The following CCDC40 variants were observed in gnomAD, a reference collection of about 807,000 sequenced individuals.
The protein encoded by CCDC40 is coiled-coil domain-containing protein 40.
Under a neutral mutation model 124.5 loss-of-function variants are expected in CCDC40, and 104 were observed. The observed-to-expected ratio is 0.84, with a 90% CI of 0.71 to 0.98. The LOEUF (loss-of-function observed/expected upper bound fraction) is 0.98. CCDC40 is among the 50% of genes least tolerant of loss of function. The pLI is 0.00. For missense variants in CCDC40, 1,463 were observed against 1,503.9 expected, an observed-to-expected ratio of 0.97 and a Z score of 0.45; for synonymous variants, 580 against 602.9, an observed-to-expected ratio of 0.96 and a Z score of 0.56.
intron 2 of CCDC40, among the ~76,000 whole-genome samples, chr17:80,038,691 G>A (rs753629521): frequency 6.6e-6 from 1 of 152,008 alleles, no homozygotes; most frequent in Non-Finnish European, 1.5e-5. Context: ...CAGGCATGGT[G>A]GTTCACGCCT....
chr17:80,054,744 C>A (rs1161236761), intron 7 of CCDC40, among the ~76,000 whole-genome samples: 1 of 152,080 alleles, frequency 6.6e-6, no homozygotes, highest in Non-Finnish European at 1.5e-5. Flanking sequence ...GAGGCCGAGG[C>A]GGGCAGATTA....
rs759044505 is a variant in CCDC40 at position 80,086,251 on chromosome 17, T to G, written c.2449+35T>G. 66 of 1,538,914 alleles carry G rather than the reference T, an allele frequency of 4.3e-5. No homozygotes were observed. Among genetic ancestry groups the G allele is most frequent in the Non-Finnish European group, 8.8e-6 (10 of 1,133,948 alleles). ...GCCGTGCCCGGCCCTGCAGTGATGC[T>G]GAGACGAGCTCTGGGACGTGGGCAC... On this transcript the variant is annotated intron_variant, in intron 14 of 19. Transcript: ENST00000397545. The surrounding 1 kb of genome is among the most constrained non-coding windows in gnomAD (Gnocchi z 5.5).
intron 16 of CCDC40, 95 bp downstream of exon 16, chr17:80,088,197 A>G: frequency 1.2e-6 from 1 of 805,634 alleles, no homozygotes; most frequent in Non-Finnish European, 2.2e-6. Flanking sequence ...CAGGTGTGGC[A>G]GCTCACACCC....
In CCDC40 at chr17:80,086,234, C is replaced by T. The variant is rs368666915; in HGVS notation, c.2449+18C>T. ...AGTAGAAAGTAAGAGCCGCCGTGCC[C>T]GGCCCTGCAGTGATGCTGAGACGAG... On this transcript the variant is annotated intron_variant, in intron 14 of 19. Coordinates refer to ENST00000397545, the MANE Select transcript of CCDC40 (RefSeq NM_017950.4). The surrounding 1 kb of genome is among the most constrained non-coding windows in gnomAD (Gnocchi z 5.5). 27 of 1,568,794 alleles carry T rather than the reference C, an allele frequency of 1.7e-5. No homozygotes were observed. The South Asian group carries it at 2.0e-4, about 11-fold the overall frequency.
chr17:80,056,539 A>G (rs2037753731), intron 7 of CCDC40, among the ~76,000 whole-genome samples: 1 of 152,134 alleles, frequency 6.6e-6, no homozygotes, highest in South Asian at 2.1e-4. Context: ...AGGTGAACCC[A>G]GGAGGTTGAA....
Position 80,058,448 on chromosome 17 carries a change from C to G in CCDC40, c.1160-46C>G. The G allele has an allele frequency of 6.3e-7, 1 of 1,580,516 alleles. No individual in the cohort carries two copies. Among genetic ancestry groups the G allele is most frequent in the Non-Finnish European group, 8.7e-7 (1 of 1,152,718 alleles). ...TCTGCATGGGGGACGCTGGGACAGC[C>G]TCCCCACTCACTCTCTCTCTCTTTC... On this transcript the variant is annotated intron_variant, in intron 7 of 19. Coordinates refer to ENST00000397545, the MANE Select transcript of CCDC40 (RefSeq NM_017950.4). The surrounding 1 kb of genome is among the most constrained non-coding windows in gnomAD (Gnocchi z 4.2).
chr17:80,084,720 G>A lies in CCDC40; in HGVS notation c.1990-23G>A, dbSNP rs376480826. ...GCCTTGGGTGGGGGCAATATTCACA[G>A]GTATTTCTTTTCATCAATTCAGATG... On this transcript the variant is annotated intron_variant, in intron 12 of 19. Transcript: ENST00000397545. The A allele has an allele frequency of 6.2e-6, 10 of 1,613,406 alleles. No homozygotes were observed. In the African/African-American group the frequency reaches 1.3e-4, roughly 22 times the overall value.
At chr17:80,085,925 C>T (rs1032780925) in intron 13 of CCDC40, 78 bp from the exon 14 acceptor site, 3 of 1,356,750 alleles carry the variant, frequency 2.2e-6, no homozygotes, top group Middle Eastern at 2.4e-4. Flanking sequence ...CCGCCTCAGC[C>T]TCCCAAAGTG....
chr17:80,074,986 G>A (rs1025887151), intron 10 of CCDC40, among the ~76,000 whole-genome samples: 1 of 151,960 alleles, frequency 6.6e-6, no homozygotes, highest in Non-Finnish European at 1.5e-5. Context: ...GCTATGGTAC[G>A]ATCTTGGCTC....
intron 18 of CCDC40, 134 bp downstream of exon 18, chr17:80,095,585 CCTG>C (rs2143776916): frequency 1.2e-6 from 1 of 806,764 alleles, no homozygotes; most frequent in Non-Finnish European, 2.0e-6. Flanking sequence ...GCACTGCTAA[CCTG>C]CTGCTGGGTG....
intron 4 of CCDC40, chr17:80,048,334 C>T (rs1214494869): frequency 9.1e-6 from 5 of 552,210 alleles, no homozygotes; most frequent in Non-Finnish European, 1.6e-5. Flanking sequence ...GTAAAGAAAG[C>T]CTCTCAAAAA....
chr17:80,090,567 A>T, intron 17 of CCDC40: 1 of 1,502,720 alleles, frequency 6.7e-7, no homozygotes, highest in Non-Finnish European at 8.9e-7. Flanking sequence ...TGCCGGTTGT[A>T]ACCCTCAAAC....
At chr17:80,049,309 G>A (rs1398077446) in intron 5 of CCDC40, among the ~76,000 whole-genome samples, 1 of 151,622 alleles carries the variant, frequency 6.6e-6, no homozygotes. Flanking sequence ...GGAGGCTGAG[G>A]CAGGAGAATC....
intron 3 of CCDC40, among the ~76,000 whole-genome samples, chr17:80,046,500 G>A (rs2037423085): frequency 6.6e-6 from 1 of 151,486 alleles, no homozygotes; most frequent in East Asian, 1.9e-4. Context: ...AGCACTGCAC[G>A]CCAGTCTAGG....
At chr17:80,056,008 A>T (rs375286080) in intron 7 of CCDC40, among the ~76,000 whole-genome samples, 5,876 of 12,036 alleles carry the variant, frequency 0.49, 1,253 homozygotes, top group Non-Finnish European at 0.59. Context: ...ATATATATAT[A>T]TATATATATT....
intron 12 of CCDC40, among the ~76,000 whole-genome samples, chr17:80,083,220 G>C (rs1306809440): frequency 2.6e-5 from 4 of 152,130 alleles, no homozygotes; most frequent in East Asian, 1.9e-4. Flanking sequence ...CAGTTGGGGA[G>C]GGGGGAGGCA....
chr17:80,046,696 A>G (rs1225223470), intron 3 of CCDC40, among the ~76,000 whole-genome samples: 1 of 152,122 alleles, frequency 6.6e-6, no homozygotes, highest in Non-Finnish European at 1.5e-5. Context: ...CACCCTCTTC[A>G]TGAAAGCATG....
intron 7 of CCDC40, among the ~76,000 whole-genome samples, chr17:80,057,172 G>A (rs1046906645): frequency 6.6e-6 from 1 of 151,958 alleles, no homozygotes; most frequent in South Asian, 2.1e-4. Flanking sequence ...TTGTCACCCA[G>A]GCTGTAGTGC....
chr17:80,087,269 G>A lies in CCDC40; in HGVS notation c.2450-338G>A, dbSNP rs2038606221. ...GTGTCTGAGCATCAACCAGGTCCCG[G>A]TGCTCCACAGATTTGCAAGTGTCTG... On this transcript the variant is annotated intron_variant, in intron 14 of 19. Coordinates refer to ENST00000397545, the MANE Select transcript of CCDC40 (RefSeq NM_017950.4). This position sits in a 1 kb window ranked among gnomAD's most constrained non-coding sequence, Gnocchi z 4.5. 1 of 405,720 alleles carries A rather than the reference G, an allele frequency of 2.5e-6. No homozygotes were observed. The highest frequency in any genetic ancestry group is 4.7e-6 in the Non-Finnish European group (1 of 214,380). 25.1% of individuals were successfully genotyped at this position (405,720 alleles called of 1,614,324 possible). A position where few individuals can be genotyped will look rare whatever the true frequency, so the allele number is the denominator to read the frequency against.
Sources: gnomAD v4.1 joint callset for allele counts (sites outside exome capture counted in the v4.1 genomes callset) on GRCh38, gnomAD v4.1.1 for gene constraint, Gnocchi (gnomAD v3.1) non-coding constraint, MANE v1.5 for transcripts, NCBI Gene and HGNC (gene_info 2026-07-23, HGNC 2026-07-21) for gene names.